GRIP1: variants seen among roughly 807,000 people sequenced by gnomAD.
GRIP1 encodes the protein glutamate receptor-interacting protein 1.
In GRIP1, 45 loss-of-function variants were observed where a neutral mutation model predicts 129.9. That is an observed-to-expected ratio of 0.35 (90% CI 0.27 to 0.44). The LOEUF is 0.44. Among genes scored for constraint, GRIP1 ranks in the 20% least tolerant of loss-of-function variants. The probability of loss-of-function intolerance (pLI) is 1.00; values close to 1 mark genes in which losing one functional copy is unlikely to be tolerated. For synonymous variants in GRIP1, 530 were observed against 520.8 expected, an observed-to-expected ratio of 1.02 and a Z score of -0.24; for missense variants, 1,196 against 1,396.8, an observed-to-expected ratio of 0.86 and a Z score of 2.29.
rs569611785 is a variant in GRIP1, at chr12:66,431,437, T to C, written c.1768+1111A>G. On this transcript the variant is annotated intron_variant, in intron 14 of 24. Transcript: ENST00000359742. ...TGAATTGCAGTACCGTTCTTTTTAG[T>C]GTTGCAGTAGATATGTGTGGGTTAT... Among the ~76,000 whole-genome samples the C allele has an allele frequency of 4.6e-5, 7 of 152,354 alleles. No homozygotes were observed. In the South Asian group the frequency reaches 1.2e-3, roughly 27 times the overall value.
intron 19 of GRIP1, among the ~76,000 whole-genome samples, chr12:66,391,474 T>C (rs1294177242): frequency 1.3e-5 from 2 of 152,256 alleles, no homozygotes; most frequent in African/African-American, 4.8e-5. Context: ...TTAATGTAGA[T>C]AGTATTTCTT....
chr12:66,830,908 G>A (rs767616230), intron 1 of GRIP1, among the ~76,000 whole-genome samples: 5 of 150,852 alleles, frequency 3.3e-5, no homozygotes, highest in Admixed American at 1.3e-4. Flanking sequence ...GTACAGTGGC[G>A]TGATCATGGC....
chr12:66,520,722 C>T (rs2060975861), intron 5 of GRIP1, among the ~76,000 whole-genome samples: 1 of 152,104 alleles, frequency 6.6e-6, no homozygotes, highest in South Asian at 2.1e-4. Flanking sequence ...ATTTCAGTTG[C>T]TTCTATTCTG....
chr12:66,762,505 A>G (rs1439825767), intron 1 of GRIP1, among the ~76,000 whole-genome samples: 1 of 152,182 alleles, frequency 6.6e-6, no homozygotes, highest in Non-Finnish European at 1.5e-5. Context: ...GTTAATTTCA[A>G]TAATATATGT....
At chr12:66,930,277 C>T (rs1178579457) in intron 1 of GRIP1, among the ~76,000 whole-genome samples, 7 of 119,310 alleles carry the variant, frequency 5.9e-5, no homozygotes, top group Admixed American at 1.0e-4. Flanking sequence ...CCACAACAGT[C>T]CCCAGAGTGT....
At chr12:66,559,657 G>C (rs940844305) in intron 2 of GRIP1, among the ~76,000 whole-genome samples, 1 of 151,968 alleles carries the variant, frequency 6.6e-6, no homozygotes, top group African/African-American at 2.4e-5. Context: ...AAACCTTGAT[G>C]AAAGAAATTG....
intron 14 of GRIP1, 30 bp from the exon 15 acceptor site, chr12:66,420,819 C>T (rs1448715599): frequency 8.3e-7 from 1 of 1,198,486 alleles, no homozygotes; most frequent in Admixed American, 1.7e-5. Context: ...ATAATCACAT[C>T]TTTATATCCA....
chr12:67,052,239 C>T (rs768969286), intron 1 of GRIP1, among the ~76,000 whole-genome samples: 21 of 152,188 alleles, frequency 1.4e-4, no homozygotes, highest in Non-Finnish European at 2.4e-4. Context: ...AAATGTCCCC[C>T]TCCCTCAACC....
At chr12:66,699,831 G>A (rs533575715) in intron 1 of GRIP1, among the ~76,000 whole-genome samples, 1 of 152,278 alleles carries the variant, frequency 6.6e-6, no homozygotes, top group East Asian at 1.9e-4. Context: ...CACTAGCAGT[G>A]CTGAACAACC....
At chr12:66,429,862 T>C (rs957667624) in intron 14 of GRIP1, among the ~76,000 whole-genome samples, 1 of 152,138 alleles carries the variant, frequency 6.6e-6, no homozygotes, top group Non-Finnish European at 1.5e-5. Context: ...ATGAAGAAGG[T>C]AATATGTACA....
chr12:66,607,895 A>G (rs1230913988), intron 1 of GRIP1, among the ~76,000 whole-genome samples: 2 of 152,010 alleles, frequency 1.3e-5, no homozygotes, highest in African/African-American at 4.8e-5. Flanking sequence ...CTATCTCAGA[A>G]CTCACTTTTT....
chr12:66,998,032 AT>A (rs1403642570), intron 1 of GRIP1, among the ~76,000 whole-genome samples: 1 of 152,226 alleles, frequency 6.6e-6, no homozygotes, highest in African/African-American at 2.4e-5. Flanking sequence ...CTGAGTTTGA[AT>A]TTTCCCCTGT....
intron 16 of GRIP1, among the ~76,000 whole-genome samples, chr12:66,399,350 G>A (rs1183873054): frequency 6.6e-6 from 1 of 151,840 alleles, no homozygotes; most frequent in Non-Finnish European, 1.5e-5. Flanking sequence ...AGACTATTTT[G>A]GAGATTGAAG....
intron 1 of GRIP1, among the ~76,000 whole-genome samples, chr12:66,834,410 A>C (rs1021353129): frequency 6.6e-6 from 1 of 152,154 alleles, no homozygotes; most frequent in African/African-American, 2.4e-5. Flanking sequence ...ATAGCTTAGT[A>C]TGTGCATGAG....
Position 66,455,569 on chromosome 12 carries a change from A to G in GRIP1, c.1199-5T>C. On this transcript the variant is annotated splice_polypyrimidine_tract_variant and splice_region_variant and intron_variant, in intron 10 of 24. Transcript: ENST00000359742. ...AGGATGAAGACACCAAAGCTGCTGC[A>G]AGAGAGTGAAGACGTTGCACAGAGC... The G allele has an allele frequency of 6.2e-7, 1 of 1,613,642 alleles. No individual in the cohort carries two copies. Among genetic ancestry groups the G allele is most frequent in the Admixed American group, 1.7e-5 (1 of 60,020 alleles).
At chr12:66,682,803 C>T (rs1463552259), upstream of GRIP1, among the ~76,000 whole-genome samples, 1 of 152,148 alleles carries the variant, frequency 6.6e-6, no homozygotes, top group Admixed American at 6.6e-5. Context: ...CACAAATACT[C>T]AACTATTTTA....
At chr12:67,007,627 G>A (rs1305574671) in intron 1 of GRIP1, among the ~76,000 whole-genome samples, 2 of 152,096 alleles carry the variant, frequency 1.3e-5, no homozygotes, top group Non-Finnish European at 2.9e-5. Flanking sequence ...AGACAGATGA[G>A]TTCACTACAC....
intron 1 of GRIP1, among the ~76,000 whole-genome samples, chr12:66,697,179 G>C (rs1045594533): frequency 6.6e-6 from 1 of 152,106 alleles, no homozygotes; most frequent in Non-Finnish European, 1.5e-5. Flanking sequence ...ATGAACAAAA[G>C]GACTAAAATC....
chr12:66,861,124 G>A (rs1174046132), intron 1 of GRIP1, among the ~76,000 whole-genome samples: 4 of 152,046 alleles, frequency 2.6e-5, no homozygotes, highest in Non-Finnish European at 5.9e-5. Flanking sequence ...AACATTAACA[G>A]TTTTACTATA....
Sources: gnomAD v4.1 joint callset for allele counts (sites outside exome capture counted in the v4.1 genomes callset) on GRCh38, gnomAD v4.1.1 for gene constraint, MANE v1.5 for transcripts, NCBI Gene and HGNC (gene_info 2026-07-23, HGNC 2026-07-21) for gene names.